ZFYVE28: variants seen among roughly 807,000 people sequenced by gnomAD.
ZFYVE28 encodes lateral signaling target protein 2 homolog.
ZFYVE28 carries 40 observed loss-of-function variants against 82.1 expected under a neutral mutation model. The observed-to-expected ratio is 0.49, with a 90% CI of 0.38 to 0.63. ZFYVE28 has a LOEUF of 0.63. ZFYVE28 is among the 30% of genes least tolerant of loss of function. ZFYVE28 has a pLI of 0.00. For missense variants in ZFYVE28, 1,321 were observed against 1,242.1 expected, an observed-to-expected ratio of 1.06 and a Z score of -0.96; for synonymous variants, 612 against 546.1, an observed-to-expected ratio of 1.12 and a Z score of -1.68.
At chr4:2,386,245 G>T (rs1193499562) in intron 1 of ZFYVE28, among the ~76,000 whole-genome samples, 1 of 152,184 alleles carries the variant, frequency 6.6e-6, no homozygotes, top group Non-Finnish European at 1.5e-5. Flanking sequence ...AGCACTCTGG[G>T]AGGCCAAGGC....
chr4:2,289,653 G>C (rs935311079), intron 8 of ZFYVE28, among the ~76,000 whole-genome samples: 2 of 152,208 alleles, frequency 1.3e-5, no homozygotes, highest in African/African-American at 4.8e-5. Context: ...TGGGATTACA[G>C]GTGTGAGCCA....
chr4:2,338,794 C>A (rs977061306), intron 4 of ZFYVE28, among the ~76,000 whole-genome samples: 1 of 152,106 alleles, frequency 6.6e-6, no homozygotes, highest in South Asian at 2.1e-4. Flanking sequence ...TGAACCTCTG[C>A]GGACACCATC....
chr4:2,375,648 C>T (rs909846000), intron 1 of ZFYVE28, among the ~76,000 whole-genome samples: 15 of 7,450 alleles, frequency 2.0e-3, no homozygotes, highest in African/African-American at 8.6e-3. Flanking sequence ...AACGACGTGG[C>T]GCCTGCCCTG....
rs537987658 is a variant in ZFYVE28, at chr4:2,361,521, C to T, written c.40-7448G>A. 2.0e-3 allele frequency among the ~76,000 whole-genome samples: 312 copies of T among 152,314 alleles called. 2 individuals are homozygous for T. The highest frequency in any genetic ancestry group is 7.1e-3 in the African/African-American group (294 of 41,558). ...CTGGCCACCGGGCTCAGAGTTTACA[C>T]GCACTACCCCACCCACTGGGGCAGG... On this transcript the variant is annotated intron_variant, in intron 1 of 12. Coordinates refer to ENST00000290974, the MANE Select transcript of ZFYVE28 (RefSeq NM_020972.3).
intron 1 of ZFYVE28, among the ~76,000 whole-genome samples, chr4:2,401,186 G>T (rs1177214248): frequency 6.6e-6 from 1 of 152,214 alleles, no homozygotes; most frequent in African/African-American, 2.4e-5. Flanking sequence ...GGGGGGCCCC[G>T]AAGGGGATGG....
chr4:2,394,626 A>G lies in ZFYVE28; in HGVS notation c.39+23659T>C, dbSNP rs1324307466. 1.3e-5 allele frequency among the ~76,000 whole-genome samples: 2 copies of G among 152,198 alleles called. No individual in the cohort carries two copies. Among genetic ancestry groups the G allele is most frequent in the African/African-American group, 4.8e-5 (2 of 41,452 alleles). Reference sequence around the variant, plus strand: ...CAACGCCTCCTTTCTAACAAGGCACATGCTTCCAGCTGCTCGGGCTGCTCG... The same window carrying G: ...CAACGCCTCCTTTCTAACAAGGCACGTGCTTCCAGCTGCTCGGGCTGCTCG... On this transcript the variant is annotated intron_variant, in intron 1 of 12. Coordinates refer to ENST00000290974, the MANE Select transcript of ZFYVE28 (RefSeq NM_020972.3). This position sits in a 1 kb window ranked among gnomAD's most constrained non-coding sequence, Gnocchi z 4.0.
rs1432350645 is a variant in ZFYVE28, at chr4:2,341,730, A to G, written c.181-115T>C. ...ACTGTTTTTTAGGATTATTAAAGTG[A>G]TAGAGGAGGCTAGGCACGGTGGCTC... On this transcript the variant is annotated intron_variant, in intron 2 of 12. Coordinates refer to ENST00000290974, the MANE Select transcript of ZFYVE28 (RefSeq NM_020972.3). This position sits in a 1 kb window ranked among gnomAD's most constrained non-coding sequence, Gnocchi z 4.5. The G allele has an allele frequency of 6.9e-7, 1 of 1,449,206 alleles. No individual in the cohort carries two copies. Among genetic ancestry groups the G allele is most frequent in the Non-Finnish European group, 9.4e-7 (1 of 1,066,408 alleles). 89.8% of individuals were successfully genotyped at this position (1,449,206 alleles called of 1,614,324 possible). A position where few individuals can be genotyped will look rare whatever the true frequency, so the allele number is the denominator to read the frequency against.
At position 2,285,011 on chromosome 4, in the gene ZFYVE28, T is replaced by A. The variant is rs112035130; in HGVS notation, c.2052-10795A>T. Among the ~76,000 whole-genome samples the A allele has an allele frequency of 2.2e-3, 328 of 152,240 alleles. 1 individual carries two copies. The highest frequency in any genetic ancestry group is 7.3e-3 in the African/African-American group (305 of 41,540). On this transcript the variant is annotated intron_variant, in intron 8 of 12. Transcript: ENST00000290974. ...AATGTGACCTTATTTGGAAACAGGG[T>A]CATTGCAGGTGTAACTAAAGTTAAG...
chr4:2,393,568 C>G (rs1462664664), intron 1 of ZFYVE28, among the ~76,000 whole-genome samples: 2 of 152,230 alleles, frequency 1.3e-5, no homozygotes, highest in Non-Finnish European at 2.9e-5. Context: ...ACGGCCCCTT[C>G]CAAAAGCTAG....
At chr4:2,310,034 A>G (rs1560184344) in intron 7 of ZFYVE28, among the ~76,000 whole-genome samples, 1 of 152,084 alleles carries the variant, frequency 6.6e-6, no homozygotes, top group Non-Finnish European at 1.5e-5. Context: ...TATCTGGAAT[A>G]CATTTCTTTT....
chr4:2,329,878 C>G (rs1033029987), intron 6 of ZFYVE28, among the ~76,000 whole-genome samples: 2 of 152,088 alleles, frequency 1.3e-5, no homozygotes, highest in African/African-American at 4.8e-5. Flanking sequence ...AGTAATACTT[C>G]GGGGATAATC....
At chr4:2,290,184 G>A (rs919541677) in intron 8 of ZFYVE28, among the ~76,000 whole-genome samples, 12 of 152,204 alleles carry the variant, frequency 7.9e-5, no homozygotes, top group African/African-American at 2.9e-4. Context: ...GGCCGCCCAT[G>A]CTGGCAACCC....
chr4:2,368,521 CT>C (rs34352139), intron 1 of ZFYVE28, among the ~76,000 whole-genome samples: 101,293 of 151,964 alleles, frequency 0.67, 34,106 homozygotes, highest in East Asian at 0.8. Flanking sequence ...AGTCATCCCC[CT>C]ACCCCTTCAT....
chr4:2,322,245 G>A (rs1719198977), intron 6 of ZFYVE28, among the ~76,000 whole-genome samples: 1 of 152,016 alleles, frequency 6.6e-6, no homozygotes, highest in Admixed American at 6.5e-5. Flanking sequence ...CAGAGACTCA[G>A]CATTTGTCTC....
chr4:2,313,544 C>G (rs1269535126), intron 7 of ZFYVE28, among the ~76,000 whole-genome samples: 1 of 152,112 alleles, frequency 6.6e-6, no homozygotes. Context: ...AGGTATGAAC[C>G]ACTGCACTCA....
intron 1 of ZFYVE28, among the ~76,000 whole-genome samples, chr4:2,399,514 C>A (rs13114833): frequency 0.1 from 15,668 of 152,294 alleles, 886 homozygotes; most frequent in East Asian, 0.11. Context: ...AGGCCGGGGC[C>A]TCTGACATCT....
chr4:2,397,030 TG>T (rs1469258081), intron 1 of ZFYVE28, among the ~76,000 whole-genome samples: 2 of 152,336 alleles, frequency 1.3e-5, no homozygotes, highest in East Asian at 3.9e-4. Flanking sequence ...CAGGGGCGAC[TG>T]CCACGGCCGG....
chr4:2,350,985 G>C (rs937061744), intron 2 of ZFYVE28, among the ~76,000 whole-genome samples: 1 of 152,216 alleles, frequency 6.6e-6, no homozygotes, highest in Non-Finnish European at 1.5e-5. Context: ...CATAAACGAA[G>C]TGTTTCCCTG....
chr4:2,290,963 T>G (rs1195859993), intron 8 of ZFYVE28, among the ~76,000 whole-genome samples: 34 of 152,222 alleles, frequency 2.2e-4, no homozygotes, highest in Admixed American at 2.2e-3. Context: ...TATGTTTTTC[T>G]TCGTAATTAC....
Sources: gnomAD v4.1 joint callset for allele counts (sites outside exome capture counted in the v4.1 genomes callset) on GRCh38, gnomAD v4.1.1 for gene constraint, Gnocchi (gnomAD v3.1) non-coding constraint, MANE v1.5 for transcripts, NCBI Gene and HGNC (gene_info 2026-07-23, HGNC 2026-07-21) for gene names.